Variants in CDK12 observed in about 807,000 individuals in gnomAD.
The protein encoded by CDK12 is cyclin dependent kinase 12.
Under a neutral mutation model 133.8 loss-of-function variants are expected in CDK12, and 17 were observed. The observed-to-expected ratio is 0.13, with a 90% CI of 0.09 to 0.19. The LOEUF (loss-of-function observed/expected upper bound fraction) is 0.19. Ranked by LOEUF, CDK12 falls within the 10% of genes least tolerant of loss-of-function variation. CDK12 has a pLI of 1.00. For synonymous variants in CDK12, 694 were observed against 683.6 expected (o/e 1.02, Z -0.24); for missense variants, 1,508 against 1,818.7 (o/e 0.83, Z 3.11).
At chr17:39,495,192 C>G (rs2051979398) in intron 5 of CDK12, among the ~76,000 whole-genome samples, 1 of 152,032 alleles carries the variant, frequency 6.6e-6, no homozygotes, top group Non-Finnish European at 1.5e-5. Flanking sequence ...GATTCTCGTG[C>G]CTCAGCCCCC....
At chr17:39,502,309 C>T (rs1288230436) in intron 6 of CDK12, among the ~76,000 whole-genome samples, 5 of 152,040 alleles carry the variant, frequency 3.3e-5, no homozygotes, top group African/African-American at 7.3e-5. Flanking sequence ...CCCGCCACCA[C>T]GCCCAGCTAA....
chr17:39,519,854 A>C (rs1163097810), intron 10 of CDK12, 102 bp from the exon 11 acceptor site: 4 of 1,421,252 alleles, frequency 2.8e-6, no homozygotes, highest in Non-Finnish European at 3.9e-6. Context: ...TTGGCCTCCC[A>C]AAGTGCTGGA....
chr17:39,501,710 G>A (rs373198999), intron 6 of CDK12, among the ~76,000 whole-genome samples: 18 of 152,180 alleles, frequency 1.2e-4, no homozygotes, highest in East Asian at 5.8e-4. Context: ...TTTTAATAGC[G>A]TAAACAAACA....
downstream of CDK12, among the ~76,000 whole-genome samples, chr17:39,537,193 C>T (rs1333968086): frequency 6.6e-6 from 1 of 152,152 alleles, no homozygotes; most frequent in Non-Finnish European, 1.5e-5. Flanking sequence ...GGATCCTTCT[C>T]CCTCCTCAGT....
intron 10 of CDK12, among the ~76,000 whole-genome samples, chr17:39,518,544 T>C (rs1424317396): frequency 6.6e-6 from 1 of 152,122 alleles, no homozygotes; most frequent in East Asian, 1.9e-4. Flanking sequence ...TATTTTATTT[T>C]ACTTTTTTTA....
downstream of CDK12, among the ~76,000 whole-genome samples, chr17:39,565,336 G>C (rs1289410530): frequency 3.3e-5 from 5 of 151,484 alleles, no homozygotes; most frequent in Non-Finnish European, 7.4e-5. Flanking sequence ...GGATGGTCTC[G>C]ATCTCCTGAC....
chr17:39,542,792 G>A (rs1291842912), intron 1 of CDK12, among the ~76,000 whole-genome samples: 1 of 152,208 alleles, frequency 6.6e-6, no homozygotes, highest in East Asian at 1.9e-4. Context: ...TTACAGGCGT[G>A]AGCCACTGCA....
At position 39,496,655 on chromosome 17, in the gene CDK12, C is replaced by T. The variant is rs576334625; in HGVS notation, c.2419+1961C>T. ...GGCAGAGGTTGCAGTGAGTTGAGAT[C>T]ACGCCATTGCACTCCAGCCTGGGTG... On this transcript the variant is annotated intron_variant, in intron 5 of 13. Coordinates refer to ENST00000447079, the MANE Select transcript of CDK12 (RefSeq NM_016507.4). Among the ~76,000 whole-genome samples the T allele has an allele frequency of 2.6e-5, 4 of 152,136 alleles. No individual in the cohort carries two copies. In the South Asian group the frequency reaches 8.3e-4, roughly 32 times the overall value.
At chr17:39,517,680 T>C in intron 10 of CDK12, 124 bp downstream of exon 10, 1 of 629,534 alleles carries the variant, frequency 1.6e-6, no homozygotes, top group East Asian at 2.7e-5. Flanking sequence ...AGGAAAACAT[T>C]TTAGTTTCGA....
chr17:39,464,151 C>G (rs777723207), intron 1 of CDK12, among the ~76,000 whole-genome samples: 1 of 151,742 alleles, frequency 6.6e-6, no homozygotes, highest in Non-Finnish European at 1.5e-5. Context: ...TAATATCACT[C>G]AGTAAATTAT....
intron 8 of CDK12, 131 bp from the exon 9 acceptor site, chr17:39,515,600 C>T (rs2053752659): frequency 1.6e-6 from 1 of 607,340 alleles, no homozygotes; most frequent in Non-Finnish European, 2.9e-6. Flanking sequence ...TCTTTGGAAA[C>T]TCAGACACTG....
In CDK12 at chr17:39,461,523, C is replaced by T. The variant is rs1347615072; in HGVS notation, c.-549C>T. ...GGTTTAATCTAGTGTGTGACTGGGTCTGTGTGAGGGAGAGAGTGTGTGTGG... is the reference window on the plus strand; with the variant it reads ...GGTTTAATCTAGTGTGTGACTGGGTTTGTGTGAGGGAGAGAGTGTGTGTGG... On this transcript the variant is annotated 5_prime_UTR_variant, in exon 1 of 14. Coordinates refer to ENST00000447079, the MANE Select transcript of CDK12 (RefSeq NM_016507.4). 8.4e-6 allele frequency: 2 copies of T among 237,908 alleles called. No individual in the cohort carries two copies. Among genetic ancestry groups the T allele is most frequent in the East Asian group, 5.9e-5 (1 of 16,812 alleles). The allele number at this position is 237,908 out of a possible 1,614,324, so 14.7% of individuals were successfully genotyped here.
intron 2 of CDK12, among the ~76,000 whole-genome samples, chr17:39,478,312 C>G (rs1426143200): frequency 1.3e-5 from 2 of 151,998 alleles, no homozygotes; most frequent in East Asian, 3.9e-4. Flanking sequence ...CTGCCTCAGC[C>G]TCCCCAGTAG....
downstream of CDK12, chr17:39,534,763 C>A (rs2055054524): frequency 5.7e-6 from 1 of 176,464 alleles, no homozygotes; most frequent in Admixed American, 6.3e-5. Flanking sequence ...TTGGGAAAAA[C>A]CATGAAATGT....
chr17:39,521,293 G>A (rs369661877), intron 11 of CDK12, among the ~76,000 whole-genome samples: 3 of 152,132 alleles, frequency 2.0e-5, no homozygotes, highest in East Asian at 3.9e-4. Flanking sequence ...GTTTTGAGAC[G>A]GAGTTTCACT....
intron 2 of CDK12, among the ~76,000 whole-genome samples, chr17:39,481,535 C>A (rs543111078): frequency 6.6e-6 from 1 of 151,764 alleles, no homozygotes; most frequent in African/African-American, 2.4e-5. Flanking sequence ...GTCTCGAACT[C>A]CTGAGCTCAA....
In CDK12 at chr17:39,517,539, A is replaced by G. The variant is rs2053889105; in HGVS notation, c.2946A>G (p.Leu982=). ...CGAAGAAGCAATATCGAAGGCGTCTACGAGAAGAATTCTCTTTGTGAGTTT... is the reference window on the plus strand; with the variant it reads ...CGAAGAAGCAATATCGAAGGCGTCTGCGAGAAGAATTCTCTTTGTGAGTTT... The part of the protein sequence containing the change: ...MKPKKQYRRR[L]REEFSFIPSA... Residue 982 remains leucine (L), a synonymous_variant, in exon 10 of 14, where the codon CTA becomes CTG. Transcript: ENST00000447079. 2 of 1,600,724 alleles carry G rather than the reference A, an allele frequency of 1.2e-6. No individual in the cohort carries two copies. Among genetic ancestry groups the G allele is most frequent in the East Asian group, 2.2e-5 (1 of 44,826 alleles).
At chr17:39,563,531 C>T (rs781437302) in intron 3 of CDK12, among the ~76,000 whole-genome samples, 1 of 140,774 alleles carries the variant, frequency 7.1e-6, no homozygotes, top group Non-Finnish European at 1.5e-5. Flanking sequence ...TTCCCCCTCC[C>T]CTCCTCCCTC....
In CDK12 at chr17:39,462,757, A is replaced by C; in HGVS notation, c.686A>C (p.Asp229Ala). 1.9e-6 allele frequency: 3 copies of C among 1,614,170 alleles called. No homozygotes were observed. Among genetic ancestry groups the C allele is most frequent in the Non-Finnish European group, 2.5e-6 (3 of 1,180,024 alleles). Residue 229 changes from aspartate (D) to alanine (A), a missense_variant, in exon 1 of 14, where the codon GAC becomes GCC. By Grantham distance (126) the Asp-to-Ala change is moderately radical. Transcript: ENST00000447079. ...RSRSPHRKWS[D>A]SSKQDDSPSG... is the part of the protein sequence containing the mutation. ...AGGAGCCCCCACAGGAAGTGGTCTGACAGCTCCAAACAAGATGATAGCCCC... is the reference window on the plus strand; with the variant it reads ...AGGAGCCCCCACAGGAAGTGGTCTGCCAGCTCCAAACAAGATGATAGCCCC...
Sources: gnomAD v4.1 joint callset for allele counts (sites outside exome capture counted in the v4.1 genomes callset) on GRCh38, gnomAD v4.1.1 for gene constraint, MANE v1.5 for transcripts, NCBI Gene and HGNC (gene_info 2026-07-23, HGNC 2026-07-21) for gene names.